Variants in SMIM41 observed in about 807,000 individuals in gnomAD.
The protein encoded by SMIM41 is small integral membrane protein 41.
At position 52,081,281 on chromosome 12, in the gene SMIM41, C is replaced by A. The variant is rs1407036359; in HGVS notation, c.*120+1100C>A. Among the ~76,000 whole-genome samples the A allele has an allele frequency of 6.6e-6, 1 of 152,022 alleles. No individual in the cohort carries two copies. The highest frequency in any genetic ancestry group is 1.5e-5 in the Non-Finnish European group (1 of 67,956). ...TGCCCCCCCTCCCCCGATTCTGGAG[C>A]CCCTCCCCTGCTTATCTGGGGTAGG... On this transcript the variant is annotated intron_variant, in intron 1 of 2. Coordinates refer to ENST00000546390, the MANE Select transcript of SMIM41 (RefSeq NM_001369216.1). The surrounding 1 kb of genome is among the most constrained non-coding windows in gnomAD (Gnocchi z 4.1).
chr12:52,107,472 G>A lies in SMIM41; in HGVS notation c.*289G>A. The A allele has an allele frequency of 1.6e-6, 1 of 640,424 alleles. No individual in the cohort carries two copies. The allele number at this position is 640,424 out of a possible 1,614,324, so 39.7% of individuals were successfully genotyped here. A position where few individuals can be genotyped will look rare whatever the true frequency, so the allele number is the denominator to read the frequency against. On this transcript the variant is annotated 3_prime_UTR_variant, in exon 3 of 3. Transcript: ENST00000546390. ...TGCTGGGGAACCTGCTCATCATCCG[G>A]CCATGAGCCCTGACTCCCACCTCCA...
intron 2 of SMIM41, among the ~76,000 whole-genome samples, chr12:52,091,148 A>T (rs1939995136): frequency 6.6e-6 from 1 of 152,146 alleles, no homozygotes; most frequent in Non-Finnish European, 1.5e-5. Flanking sequence ...AGTAGCTGGG[A>T]CTACAGGGGT....
chr12:52,096,776 TTAA>T (rs1191837829), intron 2 of SMIM41, among the ~76,000 whole-genome samples: 1 of 151,674 alleles, frequency 6.6e-6, no homozygotes, highest in East Asian at 1.9e-4. Context: ...TTTATATCAA[TTAA>T]TAATTGATAT....
chr12:52,099,717 A>G (rs149727386), intron 2 of SMIM41, among the ~76,000 whole-genome samples: 1 of 152,044 alleles, frequency 6.6e-6, no homozygotes, highest in African/African-American at 2.4e-5. Context: ...CCACCTGGAT[A>G]TTAGGAACAA....
intron 1 of SMIM41, among the ~76,000 whole-genome samples, chr12:52,080,603 G>C (rs1939804080): frequency 6.6e-6 from 1 of 152,176 alleles, no homozygotes; most frequent in Non-Finnish European, 1.5e-5. Context: ...ATCTGCCCCA[G>C]CCCCTATAGG....
chr12:52,082,486 G>C (rs919195130), intron 1 of SMIM41, among the ~76,000 whole-genome samples: 14 of 152,294 alleles, frequency 9.2e-5, no homozygotes, highest in African/African-American at 3.4e-4. Context: ...TGAGATGTTT[G>C]CTGTGGAATT....
At position 52,080,133 on chromosome 12, in the gene SMIM41, C is replaced by T; in HGVS notation, c.*72C>T. Reference sequence around the variant, plus strand: ...TCCGAGCGGTCCGGAGCATGCCCGACGGCTGCTGCGGTCCCGACCCCTTAC... The same window carrying T: ...TCCGAGCGGTCCGGAGCATGCCCGATGGCTGCTGCGGTCCCGACCCCTTAC... On this transcript the variant is annotated 3_prime_UTR_variant, in exon 1 of 3. Transcript: ENST00000546390. The T allele has an allele frequency of 2.9e-6, 1 of 344,518 alleles. No individual in the cohort carries two copies. Among genetic ancestry groups the T allele is most frequent in the Non-Finnish European group, 5.2e-6 (1 of 191,188 alleles). The allele number at this position is 344,518 out of a possible 1,614,324, so 21.3% of individuals were successfully genotyped here.
intron 2 of SMIM41, among the ~76,000 whole-genome samples, chr12:52,090,448 G>GC (rs1390627773): frequency 6.6e-6 from 1 of 151,992 alleles, no homozygotes; most frequent in Non-Finnish European, 1.5e-5. Context: ...GGAGGGGGCG[G>GC]GGGGGAAGCA....
intron 2 of SMIM41, among the ~76,000 whole-genome samples, chr12:52,087,224 C>T (rs761605154): frequency 5.3e-5 from 8 of 152,344 alleles, no homozygotes; most frequent in African/African-American, 1.2e-4. Context: ...TGAGCCACCC[C>T]GCTTCCTCCT....
intron 1 of SMIM41, 102 bp from the exon 2 acceptor site, chr12:52,083,792 T>C (rs565478463): frequency 5.3e-5 from 8 of 152,238 alleles, no homozygotes; most frequent in Non-Finnish European, 1.0e-4. Flanking sequence ...CATAGGTTTG[T>C]CATTGATCAA....
Position 52,107,777 on chromosome 12 carries a change from C to CTT in SMIM41, c.*603_*604dup, listed in dbSNP as rs113847495. The CTT allele has an allele frequency of 0.096, 33,324 of 345,396 alleles. 1,940 individuals are homozygous for CTT. Among genetic ancestry groups the CTT allele is most frequent in the African/African-American group, 0.27 (12,295 of 45,922 alleles). The allele number at this position is 345,396 out of a possible 1,614,324, so 21.4% of individuals were successfully genotyped here. ...TTCTGTGGCTTCCTAGTTTTGCTGTCTTTTTTTTTTCTCAGTCTTTTAGAC... is the reference window on the plus strand; with the variant it reads ...TTCTGTGGCTTCCTAGTTTTGCTGTCTTTTTTTTTTTTCTCAGTCTTTTAGAC... On this transcript the variant is annotated 3_prime_UTR_variant, in exon 3 of 3. Transcript: ENST00000546390.
intron 1 of SMIM41, 87 bp from the exon 2 acceptor site, chr12:52,083,807 G>A (rs1429134908): frequency 6.6e-6 from 1 of 152,166 alleles, no homozygotes; most frequent in Admixed American, 6.5e-5. Flanking sequence ...GATCAAATAG[G>A]TAACATGCTT....
Position 52,107,587 on chromosome 12 carries a change from A to G in SMIM41, c.*404A>G. 2.9e-6 allele frequency: 2 copies of G among 684,242 alleles called. No individual in the cohort carries two copies. The highest frequency in any genetic ancestry group is 5.3e-6 in the Non-Finnish European group (2 of 374,712). The allele number at this position is 684,242 out of a possible 1,614,324, so 42.4% of individuals were successfully genotyped here. A position where few individuals can be genotyped will look rare whatever the true frequency, so the allele number is the denominator to read the frequency against. On this transcript the variant is annotated 3_prime_UTR_variant, in exon 3 of 3. Transcript: ENST00000546390. ...GTCCCCCAGATGACTGTGGACATCC[A>G]GTCTCGCAGCAGAGTCATCTCCTAT...
intron 2 of SMIM41, among the ~76,000 whole-genome samples, chr12:52,098,407 C>T (rs1198437954): frequency 5.5e-5 from 5 of 91,538 alleles, no homozygotes; most frequent in Non-Finnish European, 4.7e-5. Flanking sequence ...ATGATTTTCT[C>T]CCCCCTGGAT....
chr12:52,083,410 T>C (rs1939846272), intron 1 of SMIM41, among the ~76,000 whole-genome samples: 1 of 152,170 alleles, frequency 6.6e-6, no homozygotes, highest in South Asian at 2.1e-4. Context: ...TAGGAATTAG[T>C]GGTTTGTTCC....
Position 52,104,672 on chromosome 12 carries a change from T to TC in SMIM41, c.*196-2706dup, listed in dbSNP as rs200802077. On this transcript the variant is annotated intron_variant, in intron 2 of 2. Transcript: ENST00000546390. ...GTGGAGTTTCTGTTCTTGGTTATGG[T>TC]CGGGGGGGGGCGGTCTCAGAAATCT... Among the ~76,000 whole-genome samples, 1,219 of 143,580 alleles carry TC rather than the reference T, an allele frequency of 8.5e-3. 15 individuals carry two copies. Among genetic ancestry groups the TC allele is most frequent in the African/African-American group, 0.032 (1,154 of 36,006 alleles). 94.2% of individuals were successfully genotyped at this position (143,580 alleles called of 152,430 possible).
intron 2 of SMIM41, among the ~76,000 whole-genome samples, chr12:52,106,539 TCA>T: frequency 6.6e-6 from 1 of 152,200 alleles, no homozygotes; most frequent in South Asian, 2.1e-4. Context: ...AGGCGGGGTT[TCA>T]CCATGTTGGC....
intron 2 of SMIM41, among the ~76,000 whole-genome samples, chr12:52,101,477 G>A (rs554767655): frequency 6.6e-6 from 1 of 152,290 alleles, no homozygotes; most frequent in East Asian, 1.9e-4. Flanking sequence ...AAGGGGGTTA[G>A]CAGACGCTAG....
intron 2 of SMIM41, 58 bp from the exon 3 acceptor site, chr12:52,107,321 T>G: frequency 2.1e-6 from 1 of 465,278 alleles, no homozygotes; most frequent in East Asian, 6.2e-5. Flanking sequence ...AGGCAAAAGT[T>G]GTCCAAACTA....
Sources: gnomAD v4.1 joint callset for allele counts (sites outside exome capture counted in the v4.1 genomes callset) on GRCh38, gnomAD v4.1.1 for gene constraint, Gnocchi (gnomAD v3.1) non-coding constraint, MANE v1.5 for transcripts, NCBI Gene and HGNC (gene_info 2026-07-23, HGNC 2026-07-21) for gene names.